Variants in BCR observed in about 807,000 individuals in gnomAD.
The protein encoded by BCR is breakpoint cluster region protein.
A neutral mutation model predicts 138.6 loss-of-function variants in BCR; 58 were observed. That is an observed-to-expected ratio of 0.42 (90% CI 0.34 to 0.52). The LOEUF (loss-of-function observed/expected upper bound fraction) is 0.52, where lower values mean the gene tolerates loss of function less well. Among genes scored for constraint, BCR ranks in the 20% least tolerant of loss-of-function variants. The pLI is 0.06. For synonymous variants in BCR, 786 were observed against 730.1 expected, an observed-to-expected ratio of 1.08 and a Z score of -1.23; for missense variants, 1,599 against 1,727.2, an observed-to-expected ratio of 0.93 and a Z score of 1.32.
chr22:23,190,020 T>A (rs1234724253), intron 1 of BCR, among the ~76,000 whole-genome samples: 4 of 152,228 alleles, frequency 2.6e-5, no homozygotes, highest in Admixed American at 1.3e-4. Context: ...CACTTCTGGA[T>A]GCCAAAAGTC....
chr22:23,190,556 G>A (rs1027728956), intron 1 of BCR, among the ~76,000 whole-genome samples: 6 of 152,158 alleles, frequency 3.9e-5, no homozygotes, highest in African/African-American at 1.4e-4. Flanking sequence ...TTCTTGAAAG[G>A]CCTTATTTCC....
In BCR at chr22:23,273,062, C is replaced by T; in HGVS notation, c.1922-19C>T. On this transcript the variant is annotated intron_variant, in intron 6 of 22. Coordinates refer to ENST00000305877, the MANE Select transcript of BCR (RefSeq NM_004327.4). ...CTTCTCCATGTGCAACCTCTCTCACCTCCCCTCTCTCTCCACAGCTCTGCT... is the reference window on the plus strand; with the variant it reads ...CTTCTCCATGTGCAACCTCTCTCACTTCCCCTCTCTCTCCACAGCTCTGCT... 6.2e-7 allele frequency: 1 copy of T among 1,611,156 alleles called. No homozygotes were observed. Among genetic ancestry groups the T allele is most frequent in the South Asian group, 1.1e-5 (1 of 91,040 alleles).
intron 1 of BCR, among the ~76,000 whole-genome samples, chr22:23,192,165 C>T (rs1451405863): frequency 1.3e-5 from 2 of 152,146 alleles, no homozygotes; most frequent in Admixed American, 6.5e-5. Flanking sequence ...CATGGGCCCT[C>T]GAAAGTTTCT....
At chr22:23,248,299 G>A (rs545468062) in intron 1 of BCR, among the ~76,000 whole-genome samples, 52 of 151,222 alleles carry the variant, frequency 3.4e-4, no homozygotes, top group African/African-American at 1.0e-3. Context: ...AGCCAAGATC[G>A]CGCCATTATA....
At chr22:23,215,692 G>A (rs991256320) in intron 1 of BCR, among the ~76,000 whole-genome samples, 15 of 152,164 alleles carry the variant, frequency 9.9e-5, no homozygotes, top group African/African-American at 2.2e-4. Flanking sequence ...GCAGAGTGGC[G>A]GTAGGACAGG....
rs369013004 is a variant in BCR at position 23,268,532 on chromosome 22, G to A, written c.1860+17G>A. ...ATCTCCGAGGTAATGCCTTGATGCC[G>A]TTCAGACAGGTGCACCGCTGACTCC... On this transcript the variant is annotated intron_variant, in intron 5 of 22. Coordinates refer to ENST00000305877, the MANE Select transcript of BCR (RefSeq NM_004327.4). 9.0e-5 allele frequency: 144 copies of A among 1,597,818 alleles called. No individual in the cohort carries two copies. Among genetic ancestry groups the A allele is most frequent in the African/African-American group, 5.9e-4 (44 of 74,704 alleles).
intron 17 of BCR, 47 bp from the exon 18 acceptor site, chr22:23,310,277 T>C: frequency 1.0e-6 from 1 of 998,426 alleles, no homozygotes; most frequent in South Asian, 1.3e-5. Flanking sequence ...CCTTGGGCTA[T>C]GAGGACCAGA....
intron 14 of BCR, 198 bp downstream of exon 14, chr22:23,290,611 G>A (rs1241226539): frequency 3.4e-6 from 2 of 593,774 alleles, no homozygotes; most frequent in Non-Finnish European, 6.1e-6. Flanking sequence ...AGTGGCCTCT[G>A]CCCTCTCCCC....
intron 1 of BCR, chr22:23,198,116 T>C (rs1409244026): frequency 3.5e-6 from 1 of 282,290 alleles, no homozygotes; most frequent in Admixed American, 4.0e-5. Flanking sequence ...AGGAAGTGAC[T>C]GTTAGGAGGT....
At chr22:23,290,458 G>C in intron 14 of BCR, 45 bp downstream of exon 14, 1 of 1,579,740 alleles carries the variant, frequency 6.3e-7, no homozygotes, top group African/African-American at 1.3e-5. Context: ...CCGAGCCAGG[G>C]TCTCCACCCA....
rs527835761 is a variant in BCR at position 23,301,465 on chromosome 22, T to C, written c.3012+6310T>C. On this transcript the variant is annotated intron_variant, in intron 16 of 22. Transcript: ENST00000305877. ...CCTGTTGCGCTGCACTCGGCTAGGC[T>C]GCAGACTAGCCCTCCAGCAATGTGT... Among the ~76,000 whole-genome samples, 3 of 152,354 alleles carry C rather than the reference T, an allele frequency of 2.0e-5. No individual in the cohort carries two copies. In the South Asian group the frequency reaches 6.2e-4, roughly 32 times the overall value.
intron 1 of BCR, among the ~76,000 whole-genome samples, chr22:23,185,768 G>T (rs1379541133): frequency 3.3e-5 from 5 of 149,830 alleles, no homozygotes; most frequent in Non-Finnish European, 5.9e-5. Context: ...TCGCTCTGTC[G>T]CCCAGGCTGG....
chr22:23,275,490 G>T (rs991101360), intron 8 of BCR, among the ~76,000 whole-genome samples: 3 of 152,194 alleles, frequency 2.0e-5, no homozygotes, highest in African/African-American at 7.2e-5. Flanking sequence ...GGCGGAAGTG[G>T]GTCCCCGGCA....
chr22:23,250,554 C>T (rs764808064), intron 1 of BCR, among the ~76,000 whole-genome samples: 2 of 152,148 alleles, frequency 1.3e-5, no homozygotes, highest in Non-Finnish European at 2.9e-5. Flanking sequence ...TCTGCTAGAA[C>T]ATTTAGTAGA....
At chr22:23,273,535 C>T (rs544428084) in intron 7 of BCR, 99 bp from the exon 8 acceptor site, 15 of 1,512,428 alleles carry the variant, frequency 9.9e-6, no homozygotes, top group African/African-American at 6.8e-5. Flanking sequence ...AGGGAGCCGG[C>T]GCTCTGGGCT....
At chr22:23,205,917 G>T (rs1391967638) in intron 1 of BCR, among the ~76,000 whole-genome samples, 1 of 152,174 alleles carries the variant, frequency 6.6e-6, no homozygotes, top group Admixed American at 6.5e-5. Context: ...GCCTCCAAAT[G>T]CCTGGTGGTG....
At chr22:23,305,876 C>G (rs1030309582) in intron 16 of BCR, among the ~76,000 whole-genome samples, 1 of 152,148 alleles carries the variant, frequency 6.6e-6, no homozygotes, top group African/African-American at 2.4e-5. Context: ...TCCGGAGTGC[C>G]TCGGTTTTTC....
rs553647645 is a variant in BCR at position 23,229,683 on chromosome 22, G to C, written c.1280-24116G>C. 5.9e-5 allele frequency among the ~76,000 whole-genome samples: 9 copies of C among 152,310 alleles called. No individual in the cohort carries two copies. The South Asian group carries it at 1.9e-3, about 32-fold the overall frequency. ...TGTGCAGTTTAGGGGTGAGCCCAGG[G>C]CTTCTTATGAAGATTTAAAGGATCC... On this transcript the variant is annotated intron_variant, in intron 1 of 22. Transcript: ENST00000305877.
Position 23,181,999 on chromosome 22 carries a change from T to C in BCR, c.1039T>C (p.Ser347Pro). 2.5e-6 allele frequency: 4 copies of C among 1,613,398 alleles called. No homozygotes were observed. Among genetic ancestry groups the C allele is most frequent in the Non-Finnish European group, 3.4e-6 (4 of 1,179,876 alleles). The change falls in exon 1 of 23, where the codon TCT becomes CCT. Residue 347 changes from serine (S) to proline (P), a missense_variant. Ser to Pro is a moderately conservative substitution (Grantham distance 74). Transcript: ENST00000305877. ...CACCTCCAGCGAGGAGGACTTCTCC[T>C]CTGGCCAGTCCAGCCGCGTGTCCCC... ...NLTSSEEDFS[S>P]GQSSRVSPSP... is the part of the protein sequence containing the mutation.
Sources: allele counts gnomAD v4.1 joint callset (sites outside exome capture counted in the v4.1 genomes callset), GRCh38; gene constraint gnomAD v4.1.1; transcripts MANE v1.5; gene names NCBI Gene and HGNC (gene_info 2026-07-23, HGNC 2026-07-21).